TMEM117: variants seen among roughly 807,000 people sequenced by gnomAD.
TMEM117 encodes transmembrane protein 117.
In TMEM117, 27 loss-of-function variants were observed where a neutral mutation model predicts 52.4. That is an observed-to-expected ratio of 0.51 (90% confidence interval 0.38 to 0.71). TMEM117 has a LOEUF of 0.71. TMEM117 is among the 30% of genes least tolerant of loss of function. The pLI, the probability that TMEM117 is intolerant of heterozygous loss-of-function variation, is 0.00. For synonymous variants in TMEM117, 215 were observed against 206.3 expected, an observed-to-expected ratio of 1.04 and a Z score of -0.36; for missense variants, 556 against 630.5, an observed-to-expected ratio of 0.88 and a Z score of 1.26.
At chr12:43,801,597 GTAGCGATTAATAAATGTA>G in the TMEM117 span, among the ~76,000 whole-genome samples, 1 of 152,088 alleles carries the variant, frequency 6.6e-6, no homozygotes, top group African/African-American at 2.4e-5. Flanking sequence ...CACTTGAATG[GTAGCGATTAATAAATGTA>G]TGATAATACT....
intron 4 of TMEM117, among the ~76,000 whole-genome samples, chr12:44,170,434 A>G (rs1949029811): frequency 6.6e-6 from 1 of 152,206 alleles, no homozygotes; most frequent in Non-Finnish European, 1.5e-5. Context: ...CCTAGAACTT[A>G]AAGTAAAAAA....
At chr12:44,198,082 A>G (rs750427280) in intron 4 of TMEM117, among the ~76,000 whole-genome samples, 3 of 152,092 alleles carry the variant, frequency 2.0e-5, no homozygotes, top group Admixed American at 6.5e-5. Flanking sequence ...TTAACTGTAT[A>G]CTCAGGTAAT....
In TMEM117 at chr12:43,928,548, T is replaced by C. The variant is rs1944818937; in HGVS notation, c.278-15662T>C. Among the ~76,000 whole-genome samples, 3 of 152,262 alleles carry C rather than the reference T, an allele frequency of 2.0e-5. No individual in the cohort carries two copies. In the East Asian group the frequency reaches 5.8e-4, roughly 29 times the overall value. On this transcript the variant is annotated intron_variant, in intron 2 of 7. Coordinates refer to ENST00000266534, the MANE Select transcript of TMEM117 (RefSeq NM_032256.3). Reference sequence around the variant, plus strand: ...TTTGTACTTACATAACTATCAAATATTTGCATTTAAATATATCACTTTACC... The same window carrying C: ...TTTGTACTTACATAACTATCAAATACTTGCATTTAAATATATCACTTTACC...
At chr12:44,269,600 G>T (rs1950422068) in intron 5 of TMEM117, among the ~76,000 whole-genome samples, 1 of 150,804 alleles carries the variant, frequency 6.6e-6, no homozygotes, top group South Asian at 2.1e-4. Context: ...GAGCTATGTT[G>T]TTTTCACATT....
chr12:44,006,736 C>T (rs1946203375), intron 3 of TMEM117, among the ~76,000 whole-genome samples: 1 of 152,098 alleles, frequency 6.6e-6, no homozygotes, highest in Admixed American at 6.6e-5. Context: ...CTCATAGCTC[C>T]ACTTTCATTT....
chr12:44,212,799 AT>A lies in TMEM117; in HGVS notation c.608+1422del, dbSNP rs57330972. Among the ~76,000 whole-genome samples, 688 of 148,996 alleles carry A rather than the reference AT, an allele frequency of 4.6e-3. 5 individuals carry two copies. Among genetic ancestry groups the A allele is most frequent in the African/African-American group, 0.016 (635 of 40,906 alleles). On this transcript the variant is annotated intron_variant, in intron 5 of 7. Transcript: ENST00000266534. The stretch of plus-strand genomic sequence containing the variant: ...TTCTTGGATTTAATTCTGGCGGTTG[AT>A]TTTTTTTTTAATGCAAAAGCTTCAA...
At chr12:44,092,055 A>C (rs745742454) in intron 3 of TMEM117, among the ~76,000 whole-genome samples, 2 of 152,218 alleles carry the variant, frequency 1.3e-5, no homozygotes, top group Non-Finnish European at 2.9e-5. Flanking sequence ...GAAGATACTC[A>C]GCTCAGATGC....
chr12:43,806,288 A>T, the TMEM117 span: 2 of 1,455,450 alleles, frequency 1.4e-6, no homozygotes, highest in Non-Finnish European at 1.8e-6. Context: ...GAGTGCAGCC[A>T]GCGGCCCCGG....
chr12:44,034,063 T>C (rs1025813373), intron 3 of TMEM117, among the ~76,000 whole-genome samples: 2 of 152,210 alleles, frequency 1.3e-5, no homozygotes, highest in Non-Finnish European at 2.9e-5. Context: ...GTTAATTTTG[T>C]AGAGCATTTT....
intron 4 of TMEM117, among the ~76,000 whole-genome samples, 165 bp from the exon 5 acceptor site, chr12:44,211,125 A>G (rs1488373717): frequency 6.6e-6 from 1 of 152,154 alleles, no homozygotes; most frequent in Admixed American, 6.6e-5. Flanking sequence ...AAACTATTAA[A>G]GTTTTTAATT....
At chr12:44,050,871 G>A (rs967015504) in intron 3 of TMEM117, among the ~76,000 whole-genome samples, 1 of 152,202 alleles carries the variant, frequency 6.6e-6, no homozygotes, top group Non-Finnish European at 1.5e-5. Context: ...CAGCCCCAAG[G>A]ACATGCAAGG....
At chr12:43,798,600 TAAAAC>T in the TMEM117 span, 32 of 1,459,894 alleles carry the variant, frequency 2.2e-5, no homozygotes, top group Admixed American at 4.7e-5. Context: ...TTGCAAGAAA[TAAAAC>T]AAACTATCAA....
intron 6 of TMEM117, among the ~76,000 whole-genome samples, chr12:44,324,787 A>G (rs1951174913): frequency 6.6e-6 from 1 of 152,142 alleles, no homozygotes; most frequent in Non-Finnish European, 1.5e-5. Flanking sequence ...TCCCAAGATC[A>G]TTTTAATGAA....
chr12:44,271,920 A>G (rs920897143), intron 5 of TMEM117, among the ~76,000 whole-genome samples: 3 of 152,112 alleles, frequency 2.0e-5, no homozygotes, highest in African/African-American at 7.2e-5. Context: ...AAAGAAATGG[A>G]CAAAGGAGCT....
chr12:43,902,332 G>C (rs1318480642), intron 2 of TMEM117, among the ~76,000 whole-genome samples: 1 of 152,228 alleles, frequency 6.6e-6, no homozygotes, highest in Non-Finnish European at 1.5e-5. Flanking sequence ...CCCAGGCACA[G>C]AAGGAAATGA....
intron 2 of TMEM117, among the ~76,000 whole-genome samples, chr12:43,850,467 A>G (rs1731448): frequency 0.28 from 42,714 of 152,134 alleles, 8,909 homozygotes; most frequent in African/African-American, 0.59. Context: ...CTGGTTCTCA[A>G]ACTTGCCATG....
chr12:44,148,754 C>T (rs1948680942), intron 4 of TMEM117, among the ~76,000 whole-genome samples: 6 of 152,152 alleles, frequency 3.9e-5, no homozygotes, highest in Admixed American at 3.9e-4. Context: ...ATATTCCTAA[C>T]ACCCAACACA....
intron 3 of TMEM117, among the ~76,000 whole-genome samples, chr12:44,137,554 G>A (rs1948509108): frequency 6.6e-6 from 1 of 152,048 alleles, no homozygotes; most frequent in Non-Finnish European, 1.5e-5. Context: ...ACCTGATACT[G>A]GGAAGAAACA....
At chr12:44,232,036 G>A (rs2138454755) in intron 5 of TMEM117, among the ~76,000 whole-genome samples, 1 of 151,672 alleles carries the variant, frequency 6.6e-6, no homozygotes, top group East Asian at 1.9e-4. Flanking sequence ...ACCTCACATG[G>A]TTGTTGCTTA....
Sources: gnomAD v4.1 joint callset for allele counts (sites outside exome capture counted in the v4.1 genomes callset) on GRCh38, gnomAD v4.1.1 for gene constraint, MANE v1.5 for transcripts, NCBI Gene and HGNC (gene_info 2026-07-23, HGNC 2026-07-21) for gene names.